RCOR1: variants seen among roughly 807,000 people sequenced by gnomAD.
RCOR1 encodes the protein REST corepressor 1, also known as REST corepressor.
Under a neutral mutation model 64.0 loss-of-function variants are expected in RCOR1, and 12 were observed. The ratio of observed to expected loss-of-function variants is 0.19; its 90% confidence interval spans 0.12 to 0.30. The LOEUF is 0.30. Among genes scored for constraint, RCOR1 ranks in the 10% least tolerant of loss-of-function variants. The pLI, the probability that RCOR1 is intolerant of heterozygous loss-of-function variation, is 1.00. For synonymous variants in RCOR1, 279 were observed against 227.2 expected, an observed-to-expected ratio of 1.23 and a Z score of -2.05; for missense variants, 502 against 621.2, an observed-to-expected ratio of 0.81 and a Z score of 2.04.
rs928951687 is a variant in RCOR1, at chr14:102,592,878, C to T, written c.-9C>T. 3 of 1,223,828 alleles carry T rather than the reference C, an allele frequency of 2.5e-6. No homozygotes were observed. Among genetic ancestry groups the T allele is most frequent in the South Asian group, 2.7e-5 (1 of 36,582 alleles). The allele number at this position is 1,223,828 out of a possible 1,614,324, so 75.8% of individuals were successfully genotyped here. On this transcript the variant is annotated 5_prime_UTR_variant, in exon 1 of 12. Transcript: ENST00000262241. ...CCCCGCCACTTTCGCACGGCCCCGG[C>T]CCCCGCCGATGCCGGCCATGGTGGA...
chr14:102,645,828 G>A lies in RCOR1; in HGVS notation c.362-36067G>A, dbSNP rs551983344. ...AGTCAGATGGTAGAGCTGAAGAGTA[G>A]TGCACAGGCAAGGCAGTGTGCACAG... On this transcript the variant is annotated intron_variant, in intron 2 of 11. Coordinates refer to ENST00000262241, the MANE Select transcript of RCOR1 (RefSeq NM_015156.4). Among the ~76,000 whole-genome samples the A allele has an allele frequency of 1.6e-4, 24 of 152,332 alleles. No homozygotes were observed. In the South Asian group the frequency reaches 4.8e-3, roughly 30 times the overall value.
intron 10 of RCOR1, chr14:102,721,583 A>T (rs928790921): frequency 1.8e-5 from 7 of 386,188 alleles, no homozygotes; most frequent in Non-Finnish European, 3.2e-5. Context: ...TAATGGAAAA[A>T]AAAGAGCTTA....
At position 102,729,227 on chromosome 14, in the gene RCOR1, T is replaced by C. The variant is rs778661918; in HGVS notation, c.*2721T>C. ...CCTAAAAGATATAAATTGTATTGCA[T>C]ATGCATTAAAAGTTTGTTTTATTTA... On this transcript the variant is annotated 3_prime_UTR_variant, in exon 12 of 12. Coordinates refer to ENST00000262241, the MANE Select transcript of RCOR1 (RefSeq NM_015156.4). 6.5e-6 allele frequency: 1 copy of C among 152,708 alleles called. No homozygotes were observed. The highest frequency in any genetic ancestry group is 1.5e-5 in the Non-Finnish European group (1 of 68,044). The allele number at this position is 152,708 out of a possible 1,614,324, so 9.5% of individuals were successfully genotyped here.
At chr14:102,613,848 G>T (rs1424191387) in intron 2 of RCOR1, among the ~76,000 whole-genome samples, 25 of 147,638 alleles carry the variant, frequency 1.7e-4, no homozygotes, top group Non-Finnish European at 2.8e-4. Flanking sequence ...GAACCACCGC[G>T]CCTGGCTGAG....
intron 2 of RCOR1, among the ~76,000 whole-genome samples, chr14:102,596,285 T>G (rs931446172): frequency 1.3e-5 from 2 of 152,036 alleles, no homozygotes; most frequent in African/African-American, 4.8e-5. Context: ...GTATTTATAG[T>G]AGAGACAGGG....
intron 2 of RCOR1, among the ~76,000 whole-genome samples, chr14:102,680,932 T>C (rs1286776856): frequency 6.6e-6 from 1 of 152,234 alleles, no homozygotes; most frequent in Non-Finnish European, 1.5e-5. Flanking sequence ...TTTCACACTT[T>C]GGGTCCTTTT....
intron 2 of RCOR1, among the ~76,000 whole-genome samples, chr14:102,618,052 C>G (rs572875366): frequency 2.7e-5 from 4 of 147,940 alleles, no homozygotes; most frequent in African/African-American, 1.0e-4. Flanking sequence ...TCAGTCACTG[C>G]AACCTCCGCT....
intron 2 of RCOR1, among the ~76,000 whole-genome samples, chr14:102,613,434 CA>C (rs1394639618): frequency 4.1e-5 from 6 of 146,174 alleles, no homozygotes; most frequent in South Asian, 2.2e-4. Context: ...ATTTATTTAT[CA>C]TTTTTTTTTT....
intron 8 of RCOR1, among the ~76,000 whole-genome samples, chr14:102,715,069 C>G (rs1896043396): frequency 1.3e-5 from 2 of 150,940 alleles, no homozygotes; most frequent in South Asian, 4.2e-4. Flanking sequence ...GGCCACTATT[C>G]TGATTTTTTT....
intron 2 of RCOR1, among the ~76,000 whole-genome samples, chr14:102,632,064 C>T (rs1894123363): frequency 6.6e-6 from 1 of 151,808 alleles, no homozygotes; most frequent in East Asian, 1.9e-4. Context: ...CACGCCTTGG[C>T]CTCCCAAAGT....
chr14:102,603,264 A>C (rs564768301), intron 2 of RCOR1, among the ~76,000 whole-genome samples: 4 of 152,086 alleles, frequency 2.6e-5, no homozygotes, highest in Non-Finnish European at 5.9e-5. Context: ...GACAAAAAGT[A>C]CTAAGTGTGT....
At chr14:102,715,486 A>T (rs1595243861) in intron 8 of RCOR1, among the ~76,000 whole-genome samples, 1 of 151,470 alleles carries the variant, frequency 6.6e-6, no homozygotes, top group Non-Finnish European at 1.5e-5. Flanking sequence ...GGCTCAAATG[A>T]TCCTCCCATC....
In RCOR1 at chr14:102,727,621, A is replaced by G. The variant is rs1231288869; in HGVS notation, c.*1115A>G. 6.6e-6 allele frequency: 1 copy of G among 152,026 alleles called. No homozygotes were observed. Among genetic ancestry groups the G allele is most frequent in the East Asian group, 1.9e-4 (1 of 5,186 alleles). The allele number at this position is 152,026 out of a possible 1,614,324, so 9.4% of individuals were successfully genotyped here. ...CTCTGTATGTCAGTTTGTGTCCTTC[A>G]TGTGCTGATGTGATTACACAAACAC... On this transcript the variant is annotated 3_prime_UTR_variant, in exon 12 of 12. Transcript: ENST00000262241.
chr14:102,609,335 G>A (rs979807165), intron 2 of RCOR1, among the ~76,000 whole-genome samples: 2 of 151,712 alleles, frequency 1.3e-5, no homozygotes. Flanking sequence ...GAGCCACTGT[G>A]CCTGGTCTGT....
At chr14:102,627,695 A>G (rs1279137537) in intron 2 of RCOR1, among the ~76,000 whole-genome samples, 1 of 151,646 alleles carries the variant, frequency 6.6e-6, no homozygotes, top group Non-Finnish European at 1.5e-5. Flanking sequence ...CAAAAAAACA[A>G]ACTTCTTTTG....
intron 2 of RCOR1, among the ~76,000 whole-genome samples, 154 bp from the exon 3 acceptor site, chr14:102,681,741 C>T (rs1895307603): frequency 6.6e-6 from 1 of 152,244 alleles, no homozygotes; most frequent in African/African-American, 2.4e-5. Context: ...ACTCTCGCCT[C>T]CCCCATCTCC....
At chr14:102,706,822 A>AAAT (rs57117799) in intron 4 of RCOR1, among the ~76,000 whole-genome samples, 2,190 of 150,364 alleles carry the variant, frequency 0.015, 44 homozygotes, top group African/African-American at 0.044. Context: ...ACCCTGTCTC[A>AAAT]AATAATAATA....
chr14:102,638,942 C>A (rs1398559408), intron 2 of RCOR1, among the ~76,000 whole-genome samples: 1 of 152,150 alleles, frequency 6.6e-6, no homozygotes, highest in Non-Finnish European at 1.5e-5. Flanking sequence ...GGATTGCAGG[C>A]GTGAACTACT....
chr14:102,599,548 C>T (rs1049559759), intron 2 of RCOR1, among the ~76,000 whole-genome samples: 29 of 152,028 alleles, frequency 1.9e-4, no homozygotes, highest in African/African-American at 5.8e-4. Context: ...AAAAAAGCAA[C>T]CTTTATTTTG....
Sources: gnomAD v4.1 joint callset for allele counts (sites outside exome capture counted in the v4.1 genomes callset) on GRCh38, gnomAD v4.1.1 for gene constraint, MANE v1.5 for transcripts, NCBI Gene and HGNC (gene_info 2026-07-23, HGNC 2026-07-21) for gene names.